SUSD4: variants seen among roughly 807,000 people sequenced by gnomAD.
SUSD4 encodes the protein sushi domain containing 4.
SUSD4 carries 41 observed loss-of-function variants against 50.5 expected under a neutral mutation model. That is an observed-to-expected ratio of 0.81 (90% CI 0.63 to 1.05). SUSD4 has a LOEUF of 1.05. Ranked by LOEUF, SUSD4 falls within the 50% of genes least tolerant of loss-of-function variation. SUSD4 has a pLI of 0.00. For missense variants in SUSD4, 580 were observed against 634.7 expected (o/e 0.91, Z 0.93); for synonymous variants, 257 against 257.3 (o/e 1.00, Z 0.01).
At chr1:223,301,790 T>C (rs1341706615) in intron 2 of SUSD4, among the ~76,000 whole-genome samples, 1 of 152,206 alleles carries the variant, frequency 6.6e-6, no homozygotes, top group Non-Finnish European at 1.5e-5. Context: ...TAGTAAAGGA[T>C]ACGAACTAAA....
At chr1:223,294,626 G>A (rs1280378924) in intron 2 of SUSD4, among the ~76,000 whole-genome samples, 5 of 152,188 alleles carry the variant, frequency 3.3e-5, no homozygotes, top group African/African-American at 1.2e-4. Context: ...ATTGGGGTGA[G>A]GGAAAAGCCA....
chr1:223,238,406 T>A (rs1002197288), intron 5 of SUSD4, among the ~76,000 whole-genome samples: 3 of 152,030 alleles, frequency 2.0e-5, no homozygotes, highest in African/African-American at 7.2e-5. Context: ...TTTGCTCTTC[T>A]TTTACTAGTT....
At chr1:223,349,021 C>T (rs934914752) in intron 2 of SUSD4, among the ~76,000 whole-genome samples, 7 of 152,070 alleles carry the variant, frequency 4.6e-5, no homozygotes, top group African/African-American at 1.7e-4. Flanking sequence ...ACTGAGACCA[C>T]AATGGATGCG....
chr1:223,230,181 G>A (rs1044681131), intron 5 of SUSD4, among the ~76,000 whole-genome samples: 9 of 152,158 alleles, frequency 5.9e-5, no homozygotes, highest in Non-Finnish European at 5.9e-5. Flanking sequence ...TCTAGGTTGC[G>A]AGGTAAGGAC....
Position 223,362,521 on chromosome 1 carries a change from A to C in SUSD4, c.148+757T>G, listed in dbSNP as rs556738118. Among the ~76,000 whole-genome samples the C allele has an allele frequency of 2.0e-5, 3 of 152,256 alleles. No homozygotes were observed. In the East Asian group the frequency reaches 5.8e-4, roughly 29 times the overall value. On this transcript the variant is annotated intron_variant, in intron 2 of 8. Coordinates refer to ENST00000366878, the MANE Select transcript of SUSD4 (RefSeq NM_017982.4). ...ACTCCATCTGTCTTCCTCTACCACA[A>C]CTAAAAGATACCCCTCCCCCAGAAC...
At chr1:223,335,086 T>TACC (rs1445737080) in intron 2 of SUSD4, among the ~76,000 whole-genome samples, 23 of 152,324 alleles carry the variant, frequency 1.5e-4, no homozygotes, top group Non-Finnish European at 2.6e-4. Flanking sequence ...CTCAATCATA[T>TACC]ATATATATAC....
intron 3 of SUSD4, among the ~76,000 whole-genome samples, chr1:223,284,624 T>C (rs966599173): frequency 1.3e-5 from 2 of 152,156 alleles, no homozygotes; most frequent in South Asian, 2.1e-4. Context: ...CAACAATAGA[T>C]GAATGGGTAA....
intron 2 of SUSD4, among the ~76,000 whole-genome samples, chr1:223,345,679 C>A (rs1017194328): frequency 3.3e-5 from 5 of 152,212 alleles, no homozygotes; most frequent in African/African-American, 1.2e-4. Context: ...GCCTGCTGGG[C>A]AATTCCACCT....
At chr1:223,363,203 G>C in intron 2 of SUSD4, 75 bp downstream of exon 2, 1 of 1,413,180 alleles carries the variant, frequency 7.1e-7, no homozygotes, top group Non-Finnish European at 9.3e-7. Flanking sequence ...AGGGGTGCAG[G>C]GCTGTCCTGG....
At chr1:223,273,907 A>G (rs1663085761) in intron 3 of SUSD4, among the ~76,000 whole-genome samples, 2 of 152,168 alleles carry the variant, frequency 1.3e-5, no homozygotes, top group Admixed American at 6.5e-5. Flanking sequence ...ATGTGCTTTC[A>G]TTGTAAAAAG....
Position 223,231,731 on chromosome 1 carries a change from C to A in SUSD4, c.725-2343G>T, listed in dbSNP as rs985733008. 2.6e-5 allele frequency among the ~76,000 whole-genome samples: 4 copies of A among 152,206 alleles called. No individual in the cohort carries two copies. Among genetic ancestry groups the A allele is most frequent in the African/African-American group, 9.6e-5 (4 of 41,454 alleles). On this transcript the variant is annotated intron_variant, in intron 5 of 8. Coordinates refer to ENST00000366878, the MANE Select transcript of SUSD4 (RefSeq NM_017982.4). The surrounding 1 kb of genome is among the most constrained non-coding windows in gnomAD (Gnocchi z 4.2). Reference sequence around the variant, plus strand: ...GGGCTCTTCTCTCCTTGGAGGCCCTCCTCCGTGCTGCTTCTCCTCTACTCA... The same window carrying A: ...GGGCTCTTCTCTCCTTGGAGGCCCTACTCCGTGCTGCTTCTCCTCTACTCA...
Position 223,268,030 on chromosome 1 carries a change from TATATATATATATAC to T in SUSD4, c.535+458_535+471del, listed in dbSNP as rs1558197136. Among the ~76,000 whole-genome samples the T allele has an allele frequency of 9.0e-5, 8 of 88,642 alleles. 1 individual carries two copies. The highest frequency in any genetic ancestry group is 3.9e-4 in the South Asian group (1 of 2,534). 58.2% of individuals were successfully genotyped at this position (88,642 alleles called of 152,430 possible). On this transcript the variant is annotated intron_variant, in intron 4 of 8. Coordinates refer to ENST00000366878, the MANE Select transcript of SUSD4 (RefSeq NM_017982.4). ...TGCATTTTTTATATATATATATATA[TATATATATATATAC>T]ACACACACTGTTAAGAGAAAACAGC...
At chr1:223,327,642 G>C (rs1666950665) in intron 2 of SUSD4, among the ~76,000 whole-genome samples, 1 of 152,108 alleles carries the variant, frequency 6.6e-6, no homozygotes, top group Non-Finnish European at 1.5e-5. Flanking sequence ...CCCAGCAAGG[G>C]GCACAAGGCC....
At chr1:223,282,277 C>T (rs867497276) in intron 3 of SUSD4, among the ~76,000 whole-genome samples, 12 of 152,168 alleles carry the variant, frequency 7.9e-5, no homozygotes, top group East Asian at 3.9e-4. Context: ...GGTATTCAAT[C>T]AGGAAAAGAG....
In SUSD4 at chr1:223,332,734, C is replaced by T. The variant is rs934295460; in HGVS notation, c.148+30544G>A. The stretch of plus-strand genomic sequence containing the variant: ...CTTCAGGGCGTGTGTCACAGGGAAA[C>T]GGAACCAGGGGTAAAACTTCCTGCT... On this transcript the variant is annotated intron_variant, in intron 2 of 8. Transcript: ENST00000366878. The surrounding 1 kb of genome is among the most constrained non-coding windows in gnomAD (Gnocchi z 4.0). Among the ~76,000 whole-genome samples, 6 of 152,100 alleles carry T rather than the reference C, an allele frequency of 3.9e-5. No homozygotes were observed. The highest frequency in any genetic ancestry group is 3.3e-4 in the Admixed American group (5 of 15,278).
rs1183282724 is a variant in SUSD4, at chr1:223,270,993, A to C, written c.362-2318T>G. On this transcript the variant is annotated intron_variant, in intron 3 of 8. Coordinates refer to ENST00000366878, the MANE Select transcript of SUSD4 (RefSeq NM_017982.4). ...CAAGATCATTGACAATTCTTTGCAC[A>C]CTGCTGCTGCCTTAATAGAAAATGT... is the stretch of plus-strand genomic sequence containing the variant. Among the ~76,000 whole-genome samples, 3 of 152,212 alleles carry C rather than the reference A, an allele frequency of 2.0e-5. No homozygotes were observed. The South Asian group carries it at 6.2e-4, about 32-fold the overall frequency.
chr1:223,233,719 G>A (rs1660039510), intron 5 of SUSD4, among the ~76,000 whole-genome samples: 1 of 152,180 alleles, frequency 6.6e-6, no homozygotes, highest in East Asian at 1.9e-4. Flanking sequence ...TCTTATCTTA[G>A]AACTCCTTTA....
At chr1:223,327,344 G>A in intron 2 of SUSD4, among the ~76,000 whole-genome samples, 1 of 152,144 alleles carries the variant, frequency 6.6e-6, no homozygotes, top group East Asian at 1.9e-4. Context: ...AGGAGACTGG[G>A]AGTAGGGAAT....
chr1:223,257,597 G>A (rs1367092640), intron 5 of SUSD4, among the ~76,000 whole-genome samples: 1 of 152,198 alleles, frequency 6.6e-6, no homozygotes, highest in African/African-American at 2.4e-5. Flanking sequence ...TGATGCCTAA[G>A]CTCTGTATTC....
Sources: allele counts gnomAD v4.1 joint callset (sites outside exome capture counted in the v4.1 genomes callset), GRCh38; gene constraint gnomAD v4.1.1; non-coding constraint Gnocchi (gnomAD v3.1); transcripts MANE v1.5; gene names NCBI Gene and HGNC (gene_info 2026-07-23, HGNC 2026-07-21).